KHDRBS2: variants seen among roughly 807,000 people sequenced by gnomAD.
KHDRBS2 encodes KH RNA binding domain containing, signal transduction associated 2.
Under a neutral mutation model 44.3 loss-of-function variants are expected in KHDRBS2, and 26 were observed. The observed-to-expected ratio is 0.59, with a 90% confidence interval of 0.43 to 0.81. KHDRBS2 has a LOEUF of 0.81. KHDRBS2 is among the 40% of genes least tolerant of loss of function. The pLI, the probability that KHDRBS2 is intolerant of heterozygous loss-of-function variation, is 0.00. For synonymous variants in KHDRBS2, 194 were observed against 151.1 expected, an observed-to-expected ratio of 1.28 and a Z score of -2.08; for missense variants, 476 against 433.1, an observed-to-expected ratio of 1.10 and a Z score of -0.88.
chr6:61,758,049 T>A (rs1389037115), intron 6 of KHDRBS2, among the ~76,000 whole-genome samples: 2 of 152,156 alleles, frequency 1.3e-5, no homozygotes, highest in Non-Finnish European at 2.9e-5. Flanking sequence ...CTAGTACTCT[T>A]ACAATTTTTA....
intron 1 of KHDRBS2, among the ~76,000 whole-genome samples, chr6:62,189,543 G>A (rs1478202610): frequency 6.6e-6 from 1 of 152,018 alleles, no homozygotes; most frequent in Non-Finnish European, 1.5e-5. Context: ...TTTCTTCTAA[G>A]TGCAATGCTA....
the KHDRBS2 span, among the ~76,000 whole-genome samples, chr6:61,595,886 A>T: frequency 6.6e-6 from 1 of 151,904 alleles, no homozygotes; most frequent in Admixed American, 6.6e-5. Flanking sequence ...TAATATTTTA[A>T]ATTACTGAAA....
At chr6:62,177,828 G>C (rs777353176) in intron 1 of KHDRBS2, among the ~76,000 whole-genome samples, 1 of 151,300 alleles carries the variant, frequency 6.6e-6, no homozygotes, top group Non-Finnish European at 1.5e-5. Context: ...TCATAGAAAA[G>C]TCATATAAAT....
chr6:61,797,573 C>T (rs1158724645), intron 6 of KHDRBS2, among the ~76,000 whole-genome samples: 5 of 152,046 alleles, frequency 3.3e-5, no homozygotes, highest in East Asian at 3.9e-4. Context: ...GGCCTCTGAA[C>T]TGTCAGAGCC....
chr6:61,979,779 A>G (rs113405201), intron 3 of KHDRBS2, among the ~76,000 whole-genome samples: 18 of 152,024 alleles, frequency 1.2e-4, no homozygotes, highest in Admixed American at 1.0e-3. Flanking sequence ...TGTAGTAAAG[A>G]TTTCTTTTCT....
At chr6:61,923,622 A>G (rs759166062) in intron 4 of KHDRBS2, among the ~76,000 whole-genome samples, 2 of 152,026 alleles carry the variant, frequency 1.3e-5, no homozygotes, top group Non-Finnish European at 2.9e-5. Flanking sequence ...ACAAAATCCA[A>G]TATTCATTTC....
chr6:61,828,544 T>A (rs1241933472), intron 6 of KHDRBS2, among the ~76,000 whole-genome samples: 3 of 152,216 alleles, frequency 2.0e-5, no homozygotes, highest in Non-Finnish European at 4.4e-5. Context: ...GAGTTTATCA[T>A]AACCAGTGAG....
intron 7 of KHDRBS2, among the ~76,000 whole-genome samples, chr6:61,730,576 T>C (rs1036094274): frequency 1.5e-4 from 23 of 152,036 alleles, no homozygotes; most frequent in African/African-American, 5.1e-4. Context: ...AGTAAATATA[T>C]GGTGCTATTG....
chr6:62,052,664 A>T (rs1247190648), intron 2 of KHDRBS2, among the ~76,000 whole-genome samples: 1 of 151,654 alleles, frequency 6.6e-6, no homozygotes, highest in Non-Finnish European at 1.5e-5. Flanking sequence ...TTGAAATAAA[A>T]CTGTCCACCT....
intron 3 of KHDRBS2, among the ~76,000 whole-genome samples, chr6:61,982,395 G>C (rs1378410854): frequency 1.3e-5 from 2 of 152,066 alleles, no homozygotes; most frequent in African/African-American, 4.8e-5. Flanking sequence ...AAAGGGGCCG[G>C]GCGCGGTGGC....
chr6:61,728,482 G>T (rs550265039), intron 7 of KHDRBS2, among the ~76,000 whole-genome samples: 7 of 151,962 alleles, frequency 4.6e-5, no homozygotes, highest in Admixed American at 1.3e-4. Flanking sequence ...TAGCTACAAA[G>T]ATATTAATCA....
At chr6:62,186,035 G>C (rs1823345255) in intron 1 of KHDRBS2, among the ~76,000 whole-genome samples, 1 of 151,940 alleles carries the variant, frequency 6.6e-6, no homozygotes, top group Admixed American at 6.6e-5. Context: ...AATCTTATGA[G>C]GGGCATCCTA....
At chr6:61,687,739 AG>A (rs1324532535) in intron 8 of KHDRBS2, among the ~76,000 whole-genome samples, 2 of 151,742 alleles carry the variant, frequency 1.3e-5, no homozygotes, top group Non-Finnish European at 2.9e-5. Context: ...TCTGTGCCTA[AG>A]CTTAGTTGGT....
chr6:61,653,401 T>C, the KHDRBS2 span, among the ~76,000 whole-genome samples: 2 of 152,180 alleles, frequency 1.3e-5, no homozygotes, highest in African/African-American at 2.4e-5. Context: ...GTTCTAAAAA[T>C]ATTTTAAAAT....
the KHDRBS2 span, among the ~76,000 whole-genome samples, chr6:61,642,220 T>G: frequency 6.6e-6 from 1 of 152,144 alleles, no homozygotes; most frequent in African/African-American, 2.4e-5. Flanking sequence ...ATTTGTACCT[T>G]AAATACCTGG....
chr6:62,056,796 G>C (rs1211986690), intron 2 of KHDRBS2, among the ~76,000 whole-genome samples: 2 of 151,928 alleles, frequency 1.3e-5, no homozygotes, highest in Non-Finnish European at 2.9e-5. Flanking sequence ...ACTATGAAAA[G>C]AGAAAATTTC....
chr6:61,929,534 C>T (rs1056759442), intron 4 of KHDRBS2, among the ~76,000 whole-genome samples: 1 of 152,158 alleles, frequency 6.6e-6, no homozygotes, highest in Non-Finnish European at 1.5e-5. Context: ...CCCCCTCAGT[C>T]ATTCACATTA....
the KHDRBS2 span, among the ~76,000 whole-genome samples, chr6:61,584,357 G>C: frequency 1.3e-5 from 2 of 151,698 alleles, no homozygotes; most frequent in African/African-American, 4.8e-5. Context: ...GTTTTTCATG[G>C]ATGCTCAAAT....
chr6:62,123,741 T>C (rs1187000264), intron 2 of KHDRBS2, among the ~76,000 whole-genome samples: 1 of 152,228 alleles, frequency 6.6e-6, no homozygotes, highest in African/African-American at 2.4e-5. Flanking sequence ...CTCGATGAGA[T>C]GCATTTTATA....
Sources: gnomAD v4.1 joint callset for allele counts (sites outside exome capture counted in the v4.1 genomes callset) on GRCh38, gnomAD v4.1.1 for gene constraint, MANE v1.5 for transcripts, NCBI Gene and HGNC (gene_info 2026-07-23, HGNC 2026-07-21) for gene names.